Variants in CLHC1 observed in about 807,000 individuals in gnomAD.
CLHC1 encodes the protein clathrin heavy chain linker domain containing 1, also known as clathrin heavy chain linker domain-containing protein 1.
CLHC1 carries 72 observed loss-of-function variants against 69.5 expected under a neutral mutation model. The observed-to-expected ratio is 1.04, with a 90% CI of 0.86 to 1.26. The LOEUF is 1.26. Among genes scored for constraint, CLHC1 ranks in the 50% most tolerant of loss-of-function variants. CLHC1 has a pLI of 0.00. For synonymous variants in CLHC1, 223 were observed against 224.3 expected (o/e 0.99, Z 0.05); for missense variants, 790 against 679.3 (o/e 1.16, Z -1.81).
At chr2:55,183,679 G>A (rs1043831194) in intron 9 of CLHC1, among the ~76,000 whole-genome samples, 4 of 152,148 alleles carry the variant, frequency 2.6e-5, no homozygotes, top group African/African-American at 9.7e-5. Context: ...TAAGTGGCAT[G>A]GTGCTAAAAA....
intron 5 of CLHC1, among the ~76,000 whole-genome samples, chr2:55,211,279 A>G (rs967860510): frequency 6.6e-6 from 1 of 152,118 alleles, no homozygotes; most frequent in African/African-American, 2.4e-5. Context: ...AGATGGGCAG[A>G]TCACAAGGTC....
At chr2:55,222,149 G>C in intron 3 of CLHC1, 86 bp downstream of exon 3, 1 of 870,448 alleles carries the variant, frequency 1.1e-6, no homozygotes, top group Non-Finnish European at 1.8e-6. Flanking sequence ...TCAAACAGTG[G>C]TGTTACTAAG....
chr2:55,231,558 C>T (rs1675362999), intron 1 of CLHC1, among the ~76,000 whole-genome samples: 2 of 152,106 alleles, frequency 1.3e-5, no homozygotes, highest in East Asian at 3.9e-4. Context: ...GAGTTAGATT[C>T]GGAACCCCTA....
At chr2:55,176,243 C>T (rs1380307636) in intron 12 of CLHC1, among the ~76,000 whole-genome samples, 2 of 152,184 alleles carry the variant, frequency 1.3e-5, no homozygotes, top group Non-Finnish European at 2.9e-5. Flanking sequence ...TCACATTTCA[C>T]ATCTCCACTC....
chr2:55,229,890 A>G (rs1165957390), intron 1 of CLHC1, among the ~76,000 whole-genome samples: 2 of 152,186 alleles, frequency 1.3e-5, no homozygotes, highest in Non-Finnish European at 2.9e-5. Flanking sequence ...CCTGACCAAC[A>G]TGGAAAAACC....
chr2:55,178,080 C>CA (rs577781121), intron 11 of CLHC1, among the ~76,000 whole-genome samples: 32 of 152,074 alleles, frequency 2.1e-4, no homozygotes, highest in African/African-American at 7.0e-4. Context: ...TACTAGGAAA[C>CA]CTGAATTCTA....
intron 2 of CLHC1, among the ~76,000 whole-genome samples, chr2:55,222,918 C>CAAAAAAAAAAAAAAAAA (rs59113625): frequency 2.9e-5 from 2 of 68,566 alleles, no homozygotes; most frequent in Non-Finnish European, 5.5e-5. Context: ...GAAACTGTCT[C>CAAAAAAAAAAAAAAAAA]AAAAAAAAAA....
chr2:55,224,148 G>A (rs1372003520), intron 2 of CLHC1: 1 of 192,464 alleles, frequency 5.2e-6, no homozygotes, highest in African/African-American at 2.4e-5. Flanking sequence ...TTGCATTTGG[G>A]GTCACCCAGC....
At chr2:55,198,729 C>T (rs1028534082) in intron 9 of CLHC1, among the ~76,000 whole-genome samples, 1 of 151,968 alleles carries the variant, frequency 6.6e-6, no homozygotes, top group Non-Finnish European at 1.5e-5. Flanking sequence ...ATCAAACTCC[C>T]AAAGGTCAAG....
At chr2:55,210,623 T>C (rs1672900295) in intron 5 of CLHC1, among the ~76,000 whole-genome samples, 1 of 152,234 alleles carries the variant, frequency 6.6e-6, no homozygotes, top group Non-Finnish European at 1.5e-5. Flanking sequence ...TAAATATCAC[T>C]GTTACTCAGT....
intron 1 of CLHC1, among the ~76,000 whole-genome samples, chr2:55,229,585 T>C (rs1374896783): frequency 2.0e-5 from 3 of 152,176 alleles, no homozygotes; most frequent in African/African-American, 7.2e-5. Context: ...GGGGTACCTT[T>C]GTGCGGTTTA....
chr2:55,194,453 A>G (rs1269501691), intron 9 of CLHC1, among the ~76,000 whole-genome samples: 2 of 152,170 alleles, frequency 1.3e-5, no homozygotes, highest in Non-Finnish European at 1.5e-5. Flanking sequence ...ATTAATAATG[A>G]AAAACTAAAT....
rs1294349351 is a variant in CLHC1 at position 55,191,650 on chromosome 2, A to G, written c.1007-9906T>C. Among the ~76,000 whole-genome samples the G allele has an allele frequency of 2.0e-5, 3 of 152,190 alleles. No individual in the cohort carries two copies. In the East Asian group the frequency reaches 5.8e-4, roughly 29 times the overall value. On this transcript the variant is annotated intron_variant, in intron 9 of 12. Transcript: ENST00000401408. ...ATCAAGTGGTATAATATCACTTGAGAATAGAATGGAGTAAGTTAAAGATAC... is the reference window on the plus strand; with the variant it reads ...ATCAAGTGGTATAATATCACTTGAGGATAGAATGGAGTAAGTTAAAGATAC...
chr2:55,229,374 G>C (rs1675042477), intron 1 of CLHC1, among the ~76,000 whole-genome samples: 1 of 152,080 alleles, frequency 6.6e-6, no homozygotes, highest in African/African-American at 2.4e-5. Flanking sequence ...AGGTCATGTA[G>C]ATTCCTGGGA....
intron 3 of CLHC1, among the ~76,000 whole-genome samples, chr2:55,219,990 C>G (rs529343149): frequency 6.6e-6 from 1 of 152,170 alleles, no homozygotes; most frequent in Non-Finnish European, 1.5e-5. Flanking sequence ...CCTACCAATC[C>G]TCCCAAAGTT....
intron 5 of CLHC1, among the ~76,000 whole-genome samples, chr2:55,210,712 T>C (rs1672910712): frequency 6.6e-6 from 1 of 152,226 alleles, no homozygotes; most frequent in Non-Finnish European, 1.5e-5. Context: ...TACCCTATTA[T>C]AGCTAACCCC....
At chr2:55,187,204 G>A (rs552789081) in intron 9 of CLHC1, among the ~76,000 whole-genome samples, 11 of 151,998 alleles carry the variant, frequency 7.2e-5, no homozygotes, top group South Asian at 2.1e-4. Flanking sequence ...GCTTGAACCC[G>A]GGAGGCAGAG....
At chr2:55,198,399 A>T (rs1017113041) in intron 9 of CLHC1, among the ~76,000 whole-genome samples, 5 of 152,182 alleles carry the variant, frequency 3.3e-5, no homozygotes, top group Non-Finnish European at 7.3e-5. Flanking sequence ...TGGCTGGACC[A>T]ACATGGCAAA....
intron 3 of CLHC1, among the ~76,000 whole-genome samples, chr2:55,220,792 A>G (rs377127018): frequency 2.0e-5 from 3 of 152,302 alleles, no homozygotes; most frequent in African/African-American, 7.2e-5. Context: ...ATGACTCTTG[A>G]TATTTATAAA....
Sources: allele counts gnomAD v4.1 joint callset (sites outside exome capture counted in the v4.1 genomes callset), GRCh38; gene constraint gnomAD v4.1.1; transcripts MANE v1.5; gene names NCBI Gene and HGNC (gene_info 2026-07-23, HGNC 2026-07-21).